BIN2: variants seen among roughly 807,000 people sequenced by gnomAD.
The protein encoded by BIN2 is breast cancer associated protein BRAP1.
BIN2 carries 43 observed loss-of-function variants against 67.9 expected under a neutral mutation model. The ratio of observed to expected loss-of-function variants is 0.63; its 90% CI spans 0.50 to 0.82. The LOEUF (loss-of-function observed/expected upper bound fraction) is 0.82, where lower values mean the gene tolerates loss of function less well. Ranked by LOEUF, BIN2 falls within the 40% of genes least tolerant of loss-of-function variation. BIN2 has a pLI of 0.00. For synonymous variants in BIN2, 244 were observed against 246.8 expected (o/e 0.99, Z 0.11); for missense variants, 581 against 671.6 (o/e 0.87, Z 1.49).
chr12:51,309,512 T>C (rs1456304208), intron 2 of BIN2, among the ~76,000 whole-genome samples: 3 of 152,162 alleles, frequency 2.0e-5, no homozygotes, highest in African/African-American at 7.2e-5. Context: ...AATCAGCACT[T>C]ATTATAGGTG....
At chr12:51,302,251 C>T in intron 4 of BIN2, 136 bp from the exon 5 acceptor site, 1 of 625,224 alleles carries the variant, frequency 1.6e-6, no homozygotes, top group South Asian at 1.9e-5. Flanking sequence ...ATTCTGGGGA[C>T]TAGTCAGAGG....
Position 51,281,377 on chromosome 12 carries a change from C to T in BIN2, c.*122G>A. 1 of 1,089,946 alleles carries T rather than the reference C, an allele frequency of 9.2e-7. No individual in the cohort carries two copies. Among genetic ancestry groups the T allele is most frequent in the Non-Finnish European group, 1.4e-6 (1 of 716,776 alleles). The allele number at this position is 1,089,946 out of a possible 1,614,324, so 67.5% of individuals were successfully genotyped here. ...ATTAATGCCAGGTCTTTAGACAGCA[C>T]CAGCATTCCTACTGAGAACCCAGGG... On this transcript the variant is annotated 3_prime_UTR_variant, in exon 13 of 13. Coordinates refer to ENST00000615107, the MANE Select transcript of BIN2 (RefSeq NM_016293.4).
intron 7 of BIN2, 129 bp from the exon 8 acceptor site, chr12:51,297,293 G>A: frequency 1.2e-6 from 1 of 838,628 alleles, no homozygotes. Context: ...ATCCCGCTGG[G>A]CACAGTGGCT....
chr12:51,283,259 A>G (rs1020453013), intron 12 of BIN2, among the ~76,000 whole-genome samples: 4 of 31,454 alleles, frequency 1.3e-4, no homozygotes, highest in Admixed American at 5.3e-4. Context: ...GAGAGACTCC[A>G]TCTCAAAAAA....
chr12:51,289,751 G>C (rs964309007), intron 10 of BIN2, among the ~76,000 whole-genome samples: 2 of 151,804 alleles, frequency 1.3e-5, no homozygotes, highest in Non-Finnish European at 2.9e-5. Context: ...GTCTCACTCT[G>C]GTGCCCAGGC....
intron 7 of BIN2, among the ~76,000 whole-genome samples, chr12:51,298,820 G>T (rs1175818684): frequency 6.6e-6 from 1 of 152,106 alleles, no homozygotes; most frequent in Non-Finnish European, 1.5e-5. Context: ...TGTAATCCCA[G>T]AACTTTGGGA....
intron 1 of BIN2, among the ~76,000 whole-genome samples, chr12:51,316,877 A>C (rs748823764): frequency 5.9e-5 from 9 of 151,858 alleles, no homozygotes; most frequent in Non-Finnish European, 1.3e-4. Context: ...TACTACTATT[A>C]TTATTATTAT....
At position 51,281,190 on chromosome 12, in the gene BIN2, A is replaced by T; in HGVS notation, c.*309T>A. On this transcript the variant is annotated 3_prime_UTR_variant, in exon 13 of 13. Coordinates refer to ENST00000615107, the MANE Select transcript of BIN2 (RefSeq NM_016293.4). ...TATAGGCAAGTGTCTGTGTCTATAG[A>T]TACTTTTGCTTTTTATAGTGATTAA... 1 of 384,592 alleles carries T rather than the reference A, an allele frequency of 2.6e-6. No individual in the cohort carries two copies. Among genetic ancestry groups the T allele is most frequent in the African/African-American group, 2.0e-5 (1 of 50,360 alleles). 23.8% of individuals were successfully genotyped at this position (384,592 alleles called of 1,614,324 possible).
chr12:51,298,277 C>A (rs1565678358), intron 7 of BIN2, among the ~76,000 whole-genome samples: 1 of 152,090 alleles, frequency 6.6e-6, no homozygotes, highest in Non-Finnish European at 1.5e-5. Context: ...GAGGCTGAGG[C>A]AGGAGAATCG....
chr12:51,285,681 T>A (rs1449514495), intron 11 of BIN2, among the ~76,000 whole-genome samples: 2 of 150,610 alleles, frequency 1.3e-5, no homozygotes, highest in Non-Finnish European at 3.0e-5. Flanking sequence ...TGGAGTGCAG[T>A]GGCGTGATCT....
intron 11 of BIN2, among the ~76,000 whole-genome samples, chr12:51,287,853 G>A (rs1333434273): frequency 1.2e-4 from 18 of 151,246 alleles, no homozygotes; most frequent in Admixed American, 1.2e-3. Context: ...GGGTTTCACC[G>A]TGTTAGCCAG....
intron 10 of BIN2, among the ~76,000 whole-genome samples, chr12:51,288,464 CCT>C (rs546808655): frequency 3.2e-4 from 49 of 152,326 alleles, no homozygotes; most frequent in African/African-American, 1.0e-3. Flanking sequence ...GCTCCCACTC[CCT>C]GTGTCCTTCC....
At chr12:51,286,518 T>G (rs1231729776) in intron 11 of BIN2, among the ~76,000 whole-genome samples, 1 of 152,138 alleles carries the variant, frequency 6.6e-6, no homozygotes, top group East Asian at 1.9e-4. Flanking sequence ...TCCTATAAAC[T>G]CCTCCCTTCA....
At chr12:51,318,262 C>CTT (rs1267935737) in intron 1 of BIN2, among the ~76,000 whole-genome samples, 78 of 131,780 alleles carry the variant, frequency 5.9e-4, no homozygotes, top group South Asian at 3.2e-3. Context: ...TATCTCCATT[C>CTT]TTTTTTTTTT....
chr12:51,311,857 C>T (rs1053389079), intron 2 of BIN2, among the ~76,000 whole-genome samples: 56 of 151,972 alleles, frequency 3.7e-4, no homozygotes, highest in Admixed American at 1.3e-3. Flanking sequence ...CTGCAACTTC[C>T]GCCTCCCAGG....
intron 5 of BIN2, 137 bp from the exon 6 acceptor site, chr12:51,299,851 T>C: frequency 3.9e-6 from 3 of 763,030 alleles, no homozygotes; most frequent in East Asian, 2.7e-5. Flanking sequence ...TGCTTTTGTT[T>C]TTTTTGAGAC....
intron 1 of BIN2, among the ~76,000 whole-genome samples, chr12:51,316,202 C>A (rs1372950154): frequency 6.6e-6 from 1 of 151,898 alleles, no homozygotes; most frequent in Non-Finnish European, 1.5e-5. Context: ...ATTAAATGCC[C>A]AATATGGGCT....
At chr12:51,288,019 T>C in intron 11 of BIN2, 89 bp downstream of exon 11, 1 of 949,614 alleles carries the variant, frequency 1.1e-6, no homozygotes, top group Admixed American at 2.1e-5. Flanking sequence ...TGAAGGCCTC[T>C]GAAAGATATA....
chr12:51,287,964 C>T (rs1945282342), intron 11 of BIN2, 144 bp downstream of exon 11: 1 of 596,020 alleles, frequency 1.7e-6, no homozygotes, highest in Admixed American at 3.0e-5. Flanking sequence ...ACAAGTTTTA[C>T]ATCTTGCTCT....
Sources: allele counts gnomAD v4.1 joint callset (sites outside exome capture counted in the v4.1 genomes callset), GRCh38; gene constraint gnomAD v4.1.1; transcripts MANE v1.5; gene names NCBI Gene and HGNC (gene_info 2026-07-23, HGNC 2026-07-21).